Variants in UBE2D1 observed in about 807,000 individuals in gnomAD.
The protein encoded by UBE2D1 is ubiquitin conjugating enzyme E2 D1.
UBE2D1 carries 9 observed loss-of-function variants against 24.6 expected under a neutral mutation model. That is an observed-to-expected ratio of 0.37 (90% CI 0.22 to 0.64). The LOEUF (loss-of-function observed/expected upper bound fraction) is 0.64. Ranked by LOEUF, UBE2D1 falls within the 30% of genes least tolerant of loss-of-function variation. The pLI, the probability that UBE2D1 is intolerant of heterozygous loss-of-function variation, is 0.64. For missense variants in UBE2D1, 87 were observed against 177.1 expected (o/e 0.49, Z 2.89); for synonymous variants, 57 against 57.6 (o/e 0.99, Z 0.04).
At position 58,369,571 on chromosome 10, in the gene UBE2D1, A is replaced by G. The variant is rs1840292160; in HGVS notation, c.*806A>G. 1 of 152,532 alleles carries G rather than the reference A, an allele frequency of 6.6e-6. No homozygotes were observed. Among genetic ancestry groups the G allele is most frequent in the African/African-American group, 2.4e-5 (1 of 41,444 alleles). 9.4% of individuals were successfully genotyped at this position (152,532 alleles called of 1,614,324 possible). On this transcript the variant is annotated 3_prime_UTR_variant, in exon 7 of 7. Coordinates refer to ENST00000373910, the MANE Select transcript of UBE2D1 (RefSeq NM_003338.5). ...TACAGATCTTACTGTAGCTTTTTCCATATAAATAAAATGCTTTTTCTACTA... is the reference window on the plus strand; with the variant it reads ...TACAGATCTTACTGTAGCTTTTTCCGTATAAATAAAATGCTTTTTCTACTA...
rs1839885607 is a variant in UBE2D1, at chr10:58,335,087, G to C, written c.-115G>C. 9 of 1,155,436 alleles carry C rather than the reference G, an allele frequency of 7.8e-6. No homozygotes were observed. The East Asian group carries it at 1.1e-4, about 14-fold the overall frequency. 71.6% of individuals were successfully genotyped at this position (1,155,436 alleles called of 1,614,324 possible). On this transcript the variant is annotated 5_prime_UTR_variant, in exon 1 of 7. Transcript: ENST00000373910. ...GCGAGCCAGGGAGCGGCTAACCGGG[G>C]ACCCACCGCGCGGAGCCAGCCTAGC...
At chr10:58,358,081 A>G (rs1050694976) in intron 1 of UBE2D1, among the ~76,000 whole-genome samples, 2 of 152,094 alleles carry the variant, frequency 1.3e-5, no homozygotes, top group African/African-American at 4.8e-5. Flanking sequence ...GAACAGCCTG[A>G]CATGTGAAAT....
intron 1 of UBE2D1, among the ~76,000 whole-genome samples, chr10:58,338,521 A>C (rs1839927472): frequency 6.6e-6 from 1 of 152,172 alleles, no homozygotes; most frequent in Admixed American, 6.5e-5. Flanking sequence ...ACAGTTTTTC[A>C]CCTAGGTATC....
intron 1 of UBE2D1, among the ~76,000 whole-genome samples, chr10:58,348,219 A>G (rs963761515): frequency 3.3e-5 from 5 of 152,210 alleles, no homozygotes; most frequent in African/African-American, 9.7e-5. Context: ...TTTAAAATGC[A>G]AATGTACTTT....
chr10:58,370,080 AG>A lies in UBE2D1; in HGVS notation c.*1317del, dbSNP rs1246123905. ...TTTTTTTTTACTATAGAAGTTACAA[AG>A]GAAGTTCTAAAATTATGCCTCCCTC... On this transcript the variant is annotated 3_prime_UTR_variant, in exon 7 of 7. Transcript: ENST00000373910. 1 of 151,882 alleles carries A rather than the reference AG, an allele frequency of 6.6e-6. No homozygotes were observed. The highest frequency in any genetic ancestry group is 2.4e-5 in the African/African-American group (1 of 41,388). The allele number at this position is 151,882 out of a possible 1,614,324, so 9.4% of individuals were successfully genotyped here.
chr10:58,364,870 T>A lies in UBE2D1; in HGVS notation c.298T>A (p.Ser100Thr). ...RSQWSPALTV[S>T]KVLLSICSLL... ...ACAATGGTCACCAGCTCTGACTGTA[T>A]CAAAAGGTAATTTCATTGATCAGGT... Residue 100 changes from serine to threonine, a missense_variant, in exon 5 of 7, where the codon TCA (serine) becomes ACA (threonine). Ser to Thr is a moderately conservative substitution (Grantham distance 58). Coordinates refer to ENST00000373910, the MANE Select transcript of UBE2D1 (RefSeq NM_003338.5). 1 of 1,611,192 alleles carries A rather than the reference T, an allele frequency of 6.2e-7. No individual in the cohort carries two copies. The highest frequency in any genetic ancestry group is 8.5e-7 in the Non-Finnish European group (1 of 1,177,734).
intron 1 of UBE2D1, among the ~76,000 whole-genome samples, chr10:58,347,615 C>G (rs1199977282): frequency 1.3e-5 from 2 of 148,160 alleles, no homozygotes; most frequent in Non-Finnish European, 3.0e-5. Flanking sequence ...ATTCTGACCT[C>G]AAGCTTTTAT....
chr10:58,367,475 G>A (rs1840268530), intron 5 of UBE2D1, among the ~76,000 whole-genome samples: 1 of 151,994 alleles, frequency 6.6e-6, no homozygotes, highest in Admixed American at 6.6e-5. Context: ...ATTAAGTAAA[G>A]ATTCATTGAA....
chr10:58,339,913 GAA>G (rs1258837721), intron 1 of UBE2D1, among the ~76,000 whole-genome samples: 1 of 152,134 alleles, frequency 6.6e-6, no homozygotes, highest in East Asian at 1.9e-4. Flanking sequence ...TCTTAGGAGA[GAA>G]TGATAGTTTT....
At chr10:58,341,247 C>T (rs1839958348) in intron 1 of UBE2D1, among the ~76,000 whole-genome samples, 1 of 152,070 alleles carries the variant, frequency 6.6e-6, no homozygotes, top group Non-Finnish European at 1.5e-5. Context: ...CATTTAGTTC[C>T]TGTAGTGGTT....
intron 1 of UBE2D1, among the ~76,000 whole-genome samples, chr10:58,343,689 A>G (rs1201014948): frequency 1.3e-5 from 2 of 152,216 alleles, no homozygotes; most frequent in African/African-American, 4.8e-5. Context: ...TTCTTCTACA[A>G]GTAGCAGCAT....
intron 1 of UBE2D1, among the ~76,000 whole-genome samples, chr10:58,351,180 C>A (rs1343237575): frequency 2.0e-5 from 3 of 152,164 alleles, no homozygotes; most frequent in Non-Finnish European, 4.4e-5. Context: ...AAACACTGTA[C>A]ATACACTTAG....
intron 1 of UBE2D1, among the ~76,000 whole-genome samples, chr10:58,358,377 A>G (rs1018842778): frequency 1.3e-5 from 2 of 152,198 alleles, no homozygotes; most frequent in African/African-American, 4.8e-5. Flanking sequence ...TAAAAGCCCA[A>G]ATTAGAAAAC....
intron 1 of UBE2D1, among the ~76,000 whole-genome samples, chr10:58,350,827 C>T (rs1425120978): frequency 1.3e-5 from 2 of 152,130 alleles, no homozygotes; most frequent in East Asian, 3.9e-4. Context: ...GTGCAAACAT[C>T]ATCGAGTGTA....
chr10:58,348,237 AGGC>A (rs1185797174), intron 1 of UBE2D1, among the ~76,000 whole-genome samples: 1 of 152,344 alleles, frequency 6.6e-6, no homozygotes, highest in East Asian at 1.9e-4. Context: ...TTTAATTCAC[AGGC>A]TTAAAGAGGT....
At chr10:58,362,763 C>T (rs912223518) in intron 3 of UBE2D1, among the ~76,000 whole-genome samples, 1 of 151,902 alleles carries the variant, frequency 6.6e-6, no homozygotes, top group African/African-American at 2.4e-5. Flanking sequence ...AATTATTATA[C>T]AGGAAAATCC....
intron 5 of UBE2D1, among the ~76,000 whole-genome samples, chr10:58,366,195 A>G (rs1280188700): frequency 6.6e-6 from 1 of 152,240 alleles, no homozygotes; most frequent in Non-Finnish European, 1.5e-5. Context: ...TATAAAAGAA[A>G]TGGCAAACTG....
rs758707452 is a variant in UBE2D1 at position 58,335,264 on chromosome 10, G to GC, written c.24+44dup. ...CCGGGCCTGGGGCTGCGGGGCAGCG[G>GC]CCCCCTGCCCACGCTGACTCGGCCA... On this transcript the variant is annotated intron_variant, in intron 1 of 6. Transcript: ENST00000373910. 8.0e-6 allele frequency: 12 copies of GC among 1,500,652 alleles called. No homozygotes were observed. In the East Asian group the frequency reaches 2.7e-4, roughly 33 times the overall value. 93.0% of individuals were successfully genotyped at this position (1,500,652 alleles called of 1,614,324 possible).
At chr10:58,357,329 A>G (rs1435317591) in intron 1 of UBE2D1, among the ~76,000 whole-genome samples, 1 of 152,214 alleles carries the variant, frequency 6.6e-6, no homozygotes, top group Non-Finnish European at 1.5e-5. Context: ...AATGTCAGTT[A>G]TAGCAGAGAA....
Sources: allele counts gnomAD v4.1 joint callset (sites outside exome capture counted in the v4.1 genomes callset), GRCh38; gene constraint gnomAD v4.1.1; transcripts MANE v1.5; gene names NCBI Gene and HGNC (gene_info 2026-07-23, HGNC 2026-07-21).